Variants in CNTN6 observed in about 807,000 individuals in gnomAD.
The protein encoded by CNTN6 is contactin-6.
A neutral mutation model predicts 122.8 loss-of-function variants in CNTN6; 137 were observed. The observed-to-expected ratio is 1.12, with a 90% CI of 0.97 to 1.29. The LOEUF (loss-of-function observed/expected upper bound fraction) is 1.29. Ranked by LOEUF, CNTN6 falls within the 50% of genes most tolerant of loss-of-function variation. The pLI, the probability that CNTN6 is intolerant of heterozygous loss-of-function variation, is 0.00. For missense variants in CNTN6, 1,634 were observed against 1,223.4 expected, an observed-to-expected ratio of 1.34 and a Z score of -5.01; for synonymous variants, 570 against 426.0, an observed-to-expected ratio of 1.34 and a Z score of -4.16.
chr3:1,111,108 C>T (rs950339694), intron 1 of CNTN6, among the ~76,000 whole-genome samples: 27 of 152,142 alleles, frequency 1.8e-4, no homozygotes, highest in Admixed American at 5.9e-4. Context: ...AGTCTTAGCA[C>T]AATGTCTGAC....
At chr3:1,097,704 T>C (rs1438692105) in intron 1 of CNTN6, among the ~76,000 whole-genome samples, 1 of 152,144 alleles carries the variant, frequency 6.6e-6, no homozygotes, top group Non-Finnish European at 1.5e-5. Flanking sequence ...TTTACAGTAT[T>C]TTCAAGAGAA....
chr3:1,156,150 C>T (rs1472440782), intron 2 of CNTN6, among the ~76,000 whole-genome samples: 1 of 152,168 alleles, frequency 6.6e-6, no homozygotes, highest in East Asian at 1.9e-4. Context: ...TTAAAAATCC[C>T]CAAGTCTCTC....
At chr3:1,396,922 A>G (rs1695060142) in intron 20 of CNTN6, among the ~76,000 whole-genome samples, 1 of 152,210 alleles carries the variant, frequency 6.6e-6, no homozygotes, top group African/African-American at 2.4e-5. Context: ...TGCATTCAGC[A>G]CTGTCACTGT....
intron 2 of CNTN6, among the ~76,000 whole-genome samples, chr3:1,215,056 TC>T (rs1267275662): frequency 6.6e-6 from 1 of 152,190 alleles, no homozygotes; most frequent in African/African-American, 2.4e-5. Flanking sequence ...CCTGTGCCCA[TC>T]CTTTCACTTT....
chr3:1,316,044 A>G (rs1459787354), intron 7 of CNTN6, among the ~76,000 whole-genome samples: 1 of 152,004 alleles, frequency 6.6e-6, no homozygotes, highest in Non-Finnish European at 1.5e-5. Context: ...ATCACATTAT[A>G]ATAATCTTAA....
At chr3:1,151,236 C>T (rs2092835786) in intron 2 of CNTN6, among the ~76,000 whole-genome samples, 1 of 152,082 alleles carries the variant, frequency 6.6e-6, no homozygotes, top group Admixed American at 6.5e-5. Flanking sequence ...CTTGCTGGTA[C>T]TTGGTAGGGA....
intron 20 of CNTN6, among the ~76,000 whole-genome samples, chr3:1,387,546 A>T (rs1163149752): frequency 1.3e-5 from 2 of 152,210 alleles, no homozygotes; most frequent in Non-Finnish European, 2.9e-5. Flanking sequence ...AAACTCACAG[A>T]AACTCTTGTG....
chr3:1,401,693 A>C, intron 21 of CNTN6, 148 bp downstream of exon 21: 1 of 605,692 alleles, frequency 1.7e-6, no homozygotes, highest in Non-Finnish European at 2.9e-6. Flanking sequence ...CTGCTTTCTA[A>C]TTTTCCATTG....
intron 1 of CNTN6, among the ~76,000 whole-genome samples, chr3:1,117,801 T>C (rs948077221): frequency 6.6e-6 from 1 of 152,074 alleles, no homozygotes; most frequent in African/African-American, 2.4e-5. Flanking sequence ...AGTAAAAGAG[T>C]AGGTTGATAA....
At chr3:1,292,716 C>T (rs1695529811) in intron 5 of CNTN6, among the ~76,000 whole-genome samples, 1 of 152,118 alleles carries the variant, frequency 6.6e-6, no homozygotes, top group South Asian at 2.1e-4. Context: ...GCCTTTCTGA[C>T]ACTCTTCTTA....
intron 4 of CNTN6, among the ~76,000 whole-genome samples, chr3:1,272,297 T>C (rs1476429791): frequency 2.6e-5 from 4 of 152,172 alleles, no homozygotes; most frequent in East Asian, 3.9e-4. Context: ...CACATAGAAA[T>C]TGGGTCAACT....
intron 11 of CNTN6, among the ~76,000 whole-genome samples, chr3:1,333,842 G>T (rs1702666287): frequency 6.6e-6 from 1 of 152,098 alleles, no homozygotes; most frequent in African/African-American, 2.4e-5. Context: ...CTTAGACTTG[G>T]TGCCAAGTCT....
In CNTN6 at chr3:1,287,922, G is replaced by A. The variant is rs549364307; in HGVS notation, c.455-7679G>A. On this transcript the variant is annotated intron_variant, in intron 5 of 22. Coordinates refer to ENST00000446702, the MANE Select transcript of CNTN6 (RefSeq NM_001289080.2). ...TAGCATATGAGCAAGGAATAACCAC[G>A]AAAATAGCCAGCTCTGAAGTAGCCA... Among the ~76,000 whole-genome samples, 287 of 152,242 alleles carry A rather than the reference G, an allele frequency of 1.9e-3. 3 individuals carry two copies. Among genetic ancestry groups the A allele is most frequent in the African/African-American group, 5.5e-3 (229 of 41,548 alleles).
At chr3:1,385,957 G>C (rs1457851924) in intron 20 of CNTN6, among the ~76,000 whole-genome samples, 160 bp downstream of exon 20, 1 of 152,088 alleles carries the variant, frequency 6.6e-6, no homozygotes, top group Non-Finnish European at 1.5e-5. Flanking sequence ...GAAACCTTTT[G>C]GTAACAATCA....
At chr3:1,377,266 G>A (rs560696805) in intron 17 of CNTN6, among the ~76,000 whole-genome samples, 191 bp downstream of exon 17, 3 of 152,108 alleles carry the variant, frequency 2.0e-5, no homozygotes, top group African/African-American at 2.4e-5. Context: ...ACAGTATGAC[G>A]AACTCAGCAC....
chr3:1,319,235 T>C (rs781613887), intron 7 of CNTN6, among the ~76,000 whole-genome samples: 2 of 151,668 alleles, frequency 1.3e-5, no homozygotes, highest in African/African-American at 2.4e-5. Flanking sequence ...AAGCCGCGAT[T>C]ACTTTTGCAC....
At chr3:1,281,955 A>G (rs992073341) in intron 5 of CNTN6, among the ~76,000 whole-genome samples, 2 of 149,346 alleles carry the variant, frequency 1.3e-5, no homozygotes, top group African/African-American at 5.0e-5. Context: ...GGCCTATCAA[A>G]TATATTTTAG....
At chr3:1,250,791 T>C (rs1199040936) in intron 4 of CNTN6, among the ~76,000 whole-genome samples, 1 of 152,186 alleles carries the variant, frequency 6.6e-6, no homozygotes, top group Admixed American at 6.5e-5. Context: ...TTGCTTCAAC[T>C]GACATTTGGC....
At chr3:1,202,299 G>A (rs1043699740) in intron 2 of CNTN6, among the ~76,000 whole-genome samples, 7 of 152,200 alleles carry the variant, frequency 4.6e-5, no homozygotes, top group Admixed American at 2.0e-4. Context: ...CCAGCACTTC[G>A]GAAGGCCGAG....
Sources: allele counts gnomAD v4.1 joint callset (sites outside exome capture counted in the v4.1 genomes callset), GRCh38; gene constraint gnomAD v4.1.1; transcripts MANE v1.5; gene names NCBI Gene and HGNC (gene_info 2026-07-23, HGNC 2026-07-21).